The following HAS1 variants were observed in gnomAD, a reference collection of about 807,000 sequenced individuals.
HAS1 encodes HA synthase 1.
HAS1 carries 27 observed loss-of-function variants against 35.0 expected under a neutral mutation model. The ratio of observed to expected loss-of-function variants is 0.77; its 90% CI spans 0.57 to 1.06. HAS1 has a LOEUF of 1.06. Ranked by LOEUF, HAS1 falls within the 50% of genes least tolerant of loss-of-function variation. The probability of loss-of-function intolerance (pLI) is 0.00; values close to 1 mark genes in which losing one functional copy is unlikely to be tolerated. For synonymous variants in HAS1, 409 were observed against 371.2 expected (o/e 1.10, Z -1.17); for missense variants, 940 against 814.8 (o/e 1.15, Z -1.87).
chr19:51,721,285 G>A (rs1412267595), intron 1 of HAS1, among the ~76,000 whole-genome samples: 1 of 152,106 alleles, frequency 6.6e-6, no homozygotes, highest in Admixed American at 6.5e-5. Flanking sequence ...AAGATCAGCA[G>A]CCCATGGTAG....
Position 51,713,788 on chromosome 19 carries a change from A to G in HAS1, c.1373T>C (p.Val458Ala). 1 of 1,605,706 alleles carries G rather than the reference A, an allele frequency of 6.2e-7. No homozygotes were observed. Among genetic ancestry groups the G allele is most frequent in the Non-Finnish European group, 8.5e-7 (1 of 1,176,680 alleles). ...AAWLRGCLRMVLLSLYAPLYM... is the reference protein window; with the variant it reads ...AAWLRGCLRMALLSLYAPLYM... ...GAGGGGCGCGTAGAGCGACAGAAGC[A>G]CCATGCGCAGGCAGCCCCGCAGCCA... is the stretch of plus-strand genomic sequence containing the variant. The change falls in exon 5 of 5, where the codon GTG (valine) becomes GCG (alanine). Residue 458 changes from valine to alanine, a missense_variant. Physicochemically the swap from Val to Ala is moderately conservative, Grantham distance 64 (BLOSUM62 0). Coordinates refer to ENST00000540069, the MANE Select transcript of HAS1 (RefSeq NM_001297436.2). The surrounding 1 kb of genome is among the most constrained non-coding windows in gnomAD (Gnocchi z 4.5).
intron 4 of HAS1, 151 bp from the exon 5 acceptor site, chr19:51,714,253 G>T: frequency 3.1e-6 from 4 of 1,283,054 alleles, no homozygotes; most frequent in African/African-American, 1.5e-5. Flanking sequence ...GAATAGGGTG[G>T]ATAATGGTTC....
At chr19:51,722,209 G>A (rs934741219) in intron 1 of HAS1, among the ~76,000 whole-genome samples, 7 of 152,152 alleles carry the variant, frequency 4.6e-5, no homozygotes, top group African/African-American at 9.7e-5. Context: ...CAGTATCACC[G>A]AGGAACTGAG....
At chr19:51,718,018 A>C (rs113912437) in intron 2 of HAS1, 3,580 of 155,244 alleles carry the variant, frequency 0.023, 143 homozygotes, top group African/African-American at 0.079. Context: ...TGGGCAGATC[A>C]CCTGAGGTCA....
At chr19:51,723,884 TACACACACACACACAC>T (rs58597876) in intron 1 of HAS1, 25 bp downstream of exon 1, 9 of 1,229,134 alleles carry the variant, frequency 7.3e-6, no homozygotes, top group African/African-American at 3.2e-5. Context: ...CATGGCTGTA[TACACACACACACACAC>T]ACACACACAC....
At chr19:51,714,181 CTG>C (rs1482027375) in intron 4 of HAS1, 79 bp from the exon 5 acceptor site, 1 of 1,542,692 alleles carries the variant, frequency 6.5e-7, no homozygotes, top group African/African-American at 1.4e-5. Context: ...GAAATGACCA[CTG>C]TGGACGGCCA....
chr19:51,717,007 T>C lies in HAS1; in HGVS notation c.886A>G (p.Ser296Gly), dbSNP rs1043616888. The C allele has an allele frequency of 1.2e-6, 2 of 1,613,934 alleles. No individual in the cohort carries two copies. The highest frequency in any genetic ancestry group is 2.7e-5 in the African/African-American group (2 of 74,902). The change falls in exon 3 of 5, where the codon AGC (serine) becomes GGC (glycine). Residue 296 changes from serine to glycine, a missense_variant. Transcript: ENST00000540069. ...ATGCAGGATACACAGTGGAAGTAGC[T>C]CTGACAAGCCCGCTCCACATTGAAG... ...VAFNVERACQ[S>G]YFHCVSCISG...
intron 1 of HAS1, among the ~76,000 whole-genome samples, chr19:51,721,642 T>C (rs1297970050): frequency 1.3e-5 from 2 of 152,104 alleles, no homozygotes; most frequent in African/African-American, 4.8e-5. Flanking sequence ...GGCGCACGAC[T>C]GTAGTCTCAG....
At chr19:51,720,574 C>T (rs1160234450) in intron 1 of HAS1, among the ~76,000 whole-genome samples, 1 of 152,014 alleles carries the variant, frequency 6.6e-6, no homozygotes, top group South Asian at 2.1e-4. Context: ...CTCACTGCAG[C>T]TTCTAACTCC....
At chr19:51,721,109 A>G (rs778838552) in intron 1 of HAS1, among the ~76,000 whole-genome samples, 17 of 152,184 alleles carry the variant, frequency 1.1e-4, no homozygotes, top group Non-Finnish European at 2.2e-4. Context: ...AGGTTCAGCA[A>G]TTTGCCCAAG....
intron 3 of HAS1, 123 bp from the exon 4 acceptor site, chr19:51,716,511 A>C: frequency 1.3e-6 from 1 of 767,836 alleles, no homozygotes; most frequent in Non-Finnish European, 2.1e-6. Flanking sequence ...CATAATCTCA[A>C]TCTCAGCACT....
chr19:51,714,203 A>C (rs1467705967), intron 4 of HAS1, 101 bp from the exon 5 acceptor site: 1 of 1,517,350 alleles, frequency 6.6e-7, no homozygotes, highest in East Asian at 2.5e-5. Flanking sequence ...ACTGGGGGCG[A>C]GTTTCTTAAC....
intron 4 of HAS1, among the ~76,000 whole-genome samples, chr19:51,714,618 G>A (rs1228011565): frequency 6.8e-6 from 1 of 147,438 alleles, no homozygotes. Context: ...TTGAGCTCAG[G>A]AGTTTGAGGC....
chr19:51,719,225 T>A lies in HAS1; in HGVS notation c.680A>T (p.Asp227Val), dbSNP rs2083606020. 6.4e-7 allele frequency: 1 copy of A among 1,572,112 alleles called. No homozygotes were observed. The highest frequency in any genetic ancestry group is 8.6e-7 in the Non-Finnish European group (1 of 1,157,910). The change falls in exon 2 of 5, where the codon GAT (aspartate) becomes GTT (valine). Residue 227 changes from aspartate (D) to valine (V), a missense_variant. Physicochemically the swap from Asp to Val is radical, Grantham distance 152 (BLOSUM62 -3). Coordinates refer to ENST00000540069, the MANE Select transcript of HAS1 (RefSeq NM_001297436.2). ...ACTCACCTGCACGTAGTCCACCGAA[T>A]CTCCGAGCGCCTTGAAGGCTGTGTA... ...VMYTAFKALG[D>V]SVDYVQVCDS...
At chr19:51,716,213 T>C (rs765868797) in intron 4 of HAS1, 43 bp downstream of exon 4, 10 of 1,561,606 alleles carry the variant, frequency 6.4e-6, no homozygotes, top group South Asian at 1.2e-5. Flanking sequence ...AGGATATTCA[T>C]TGGCCTCCAC....
At chr19:51,723,805 C>A in intron 1 of HAS1, 120 bp downstream of exon 1, 1 of 969,880 alleles carries the variant, frequency 1.0e-6, no homozygotes, top group Non-Finnish European at 1.5e-6. Flanking sequence ...CACATGGATA[C>A]ACACATGAAA....
intron 1 of HAS1, among the ~76,000 whole-genome samples, chr19:51,722,583 G>T (rs2083638737): frequency 6.6e-6 from 1 of 152,178 alleles, no homozygotes; most frequent in African/African-American, 2.4e-5. Context: ...GTTTTTAGAT[G>T]GTTTTTGAAA....
chr19:51,715,824 C>T (rs903308954), intron 4 of HAS1, among the ~76,000 whole-genome samples: 7 of 152,144 alleles, frequency 4.6e-5, no homozygotes, highest in Admixed American at 1.3e-4. Context: ...TTTCTTTCTC[C>T]GTGGCTCTCT....
At chr19:51,722,675 A>G (rs897507387) in intron 1 of HAS1, among the ~76,000 whole-genome samples, 5 of 152,176 alleles carry the variant, frequency 3.3e-5, no homozygotes, top group Non-Finnish European at 7.3e-5. Flanking sequence ...TTTTATTTGC[A>G]TACAACCACA....
Sources: gnomAD v4.1 joint callset for allele counts (sites outside exome capture counted in the v4.1 genomes callset) on GRCh38, gnomAD v4.1.1 for gene constraint, Gnocchi (gnomAD v3.1) non-coding constraint, MANE v1.5 for transcripts, NCBI Gene and HGNC (gene_info 2026-07-23, HGNC 2026-07-21) for gene names.